The following DMXL2 variants were observed in gnomAD, a reference collection of about 807,000 sequenced individuals.
DMXL2 encodes the protein Dmx like 2, also known as dmX-like protein 2.
A neutral mutation model predicts 331.1 loss-of-function variants in DMXL2; 103 were observed. That is an observed-to-expected ratio of 0.31 (90% CI 0.27 to 0.37). The LOEUF (loss-of-function observed/expected upper bound fraction) is 0.37. DMXL2 is among the 10% of genes least tolerant of loss of function. The pLI is 1.00. For synonymous variants in DMXL2, 1,281 were observed against 1,252.1 expected (o/e 1.02, Z -0.49); for missense variants, 3,171 against 3,642.9 (o/e 0.87, Z 3.33).
At chr15:51,494,481 T>C (rs1191501806) in intron 19 of DMXL2, among the ~76,000 whole-genome samples, 1 of 152,208 alleles carries the variant, frequency 6.6e-6, no homozygotes, top group African/African-American at 2.4e-5. Flanking sequence ...CTTTTAATTC[T>C]ATAGTTTCAA....
At chr15:51,473,671 A>G (rs1408141228) in intron 28 of DMXL2, among the ~76,000 whole-genome samples, 1 of 152,198 alleles carries the variant, frequency 6.6e-6, no homozygotes, top group Non-Finnish European at 1.5e-5. Flanking sequence ...TGATTTCTAT[A>G]TATCAGCATC....
In DMXL2 at chr15:51,466,193, T is replaced by C. The variant is rs1460290216; in HGVS notation, c.7511A>G (p.Asn2504Ser). Residue 2504 changes from asparagine (N) to serine (S), a missense_variant, in exon 30 of 44, where the codon AAT (asparagine) becomes AGT (serine). By Grantham distance (46) the Asn-to-Ser change is conservative. This residue lies in a region of DMXL2 where 766 missense variants were observed against 940.5 expected (regional missense o/e 0.81). Transcript: ENST00000560891. ...DTQIQEHQDP[N>S]SYSWALLHLT... ...GAAAAGTCTTATTTACCTATAGGAA[T>C]TTGGATCTTGGTGCTCCTGTATTTG... 1 of 1,560,434 alleles carries C rather than the reference T, an allele frequency of 6.4e-7. No homozygotes were observed. The highest frequency in any genetic ancestry group is 8.6e-7 in the Non-Finnish European group (1 of 1,163,074).
chr15:51,587,240 C>G (rs2051912289), intron 1 of DMXL2, among the ~76,000 whole-genome samples: 1 of 152,272 alleles, frequency 6.6e-6, no homozygotes, highest in East Asian at 1.9e-4. Flanking sequence ...CATATGTATA[C>G]ATGTGCCATG....
intron 1 of DMXL2, among the ~76,000 whole-genome samples, chr15:51,609,619 T>C (rs1158859662): frequency 6.6e-6 from 1 of 152,192 alleles, no homozygotes; most frequent in Non-Finnish European, 1.5e-5. Context: ...AGCCTAGATA[T>C]GTTCTAGGCT....
At chr15:51,531,870 T>C (rs969349199) in intron 13 of DMXL2, among the ~76,000 whole-genome samples, 1 of 152,124 alleles carries the variant, frequency 6.6e-6, no homozygotes. Flanking sequence ...AGACAGGCAA[T>C]AACAAATGTT....
intron 6 of DMXL2, among the ~76,000 whole-genome samples, chr15:51,549,441 T>C (rs2049075159): frequency 6.6e-6 from 1 of 152,178 alleles, no homozygotes; most frequent in Non-Finnish European, 1.5e-5. Flanking sequence ...CAAGTATCTT[T>C]TTCATATAAT....
chr15:51,585,329 T>G (rs901291501), intron 1 of DMXL2, among the ~76,000 whole-genome samples: 1 of 149,066 alleles, frequency 6.7e-6, no homozygotes, highest in African/African-American at 2.5e-5. Flanking sequence ...TTGAGAGTTT[T>G]TAGCATGAAG....
chr15:51,453,511 C>T (rs750900599), intron 41 of DMXL2, 39 bp downstream of exon 41: 14 of 1,473,970 alleles, frequency 9.5e-6, no homozygotes, highest in Middle Eastern at 1.7e-4. Flanking sequence ...GGATTTCTAA[C>T]GTTTTTATAT....
intron 6 of DMXL2, among the ~76,000 whole-genome samples, chr15:51,548,830 A>G (rs935378714): frequency 1.3e-5 from 2 of 152,154 alleles, no homozygotes; most frequent in Non-Finnish European, 1.5e-5. Context: ...AAATTTTAAA[A>G]TATGTTGAAA....
chr15:51,607,050 C>T (rs1315154108), intron 1 of DMXL2, among the ~76,000 whole-genome samples: 7 of 151,880 alleles, frequency 4.6e-5, no homozygotes, highest in African/African-American at 9.7e-5. Context: ...CCCAGCTACT[C>T]GGGAGGCTGA....
rs1163243175 is a variant in DMXL2, at chr15:51,609,487, C to T, written c.87+12972G>A. ...ATTATAATGCCATATTTTCACTGTACCTTTTCTACATTTAGATATGTTTAG... is the reference window on the plus strand; with the variant it reads ...ATTATAATGCCATATTTTCACTGTATCTTTTCTACATTTAGATATGTTTAG... On this transcript the variant is annotated intron_variant, in intron 1 of 43. Coordinates refer to ENST00000560891, the MANE Select transcript of DMXL2 (RefSeq NM_001378457.1). 3.3e-5 allele frequency among the ~76,000 whole-genome samples: 5 copies of T among 152,162 alleles called. No homozygotes were observed. In the East Asian group the frequency reaches 9.6e-4, roughly 29 times the overall value.
At chr15:51,566,274 T>C (rs2141059261) in intron 3 of DMXL2, among the ~76,000 whole-genome samples, 2 of 133,146 alleles carry the variant, frequency 1.5e-5, no homozygotes, top group South Asian at 2.4e-4. Flanking sequence ...TGTGTGTGTG[T>C]GTGTGCATCT....
intron 5 of DMXL2, among the ~76,000 whole-genome samples, chr15:51,563,740 C>T (rs767242210): frequency 1.4e-4 from 21 of 152,062 alleles, no homozygotes; most frequent in Non-Finnish European, 2.4e-4. Flanking sequence ...CTGAGCTTAT[C>T]ATCATCCCTG....
At chr15:51,602,426 C>G (rs186756603) in intron 1 of DMXL2, among the ~76,000 whole-genome samples, 1 of 152,074 alleles carries the variant, frequency 6.6e-6, no homozygotes, top group Non-Finnish European at 1.5e-5. Context: ...AGAGTGGATC[C>G]ACGTTGCTCT....
chr15:51,507,221 A>G lies in DMXL2; in HGVS notation c.2677T>C (p.Phe893Leu). 6.2e-7 allele frequency: 1 copy of G among 1,611,270 alleles called. No individual in the cohort carries two copies. The highest frequency in any genetic ancestry group is 1.1e-5 in the South Asian group (1 of 90,708). Residue 893 changes from phenylalanine to leucine, a missense_variant, in exon 16 of 44, where the codon TTT becomes CTT. Transcript: ENST00000560891. ...YRPPPFSEKF[F>L]LVVIEKDSNN... is the part of the protein sequence containing the mutation. ...CTGTCCTTCTCAATTACTACTAGAA[A>G]GAACTTTTCTGAAAATGGTGGTGGG... is the stretch of plus-strand genomic sequence containing the variant.
chr15:51,593,168 C>A (rs1344823926), intron 1 of DMXL2, among the ~76,000 whole-genome samples: 2 of 152,092 alleles, frequency 1.3e-5, no homozygotes, highest in Admixed American at 1.3e-4. Context: ...TTCAGGAAAC[C>A]CATCTCACGT....
chr15:51,526,928 G>C (rs755253990), intron 13 of DMXL2, among the ~76,000 whole-genome samples: 3 of 152,186 alleles, frequency 2.0e-5, no homozygotes, highest in Non-Finnish European at 4.4e-5. Context: ...AAGAGTCACT[G>C]ACCTTAAAGA....
At chr15:51,476,387 T>C (rs372643788) in intron 27 of DMXL2, among the ~76,000 whole-genome samples, 1 of 152,166 alleles carries the variant, frequency 6.6e-6, no homozygotes, top group East Asian at 1.9e-4. Context: ...GCTGGTTTTA[T>C]GAAGCCTTAA....
rs779692215 is a variant in DMXL2, at chr15:51,535,804, C to T, written c.2315-20G>A. 3 of 1,583,360 alleles carry T rather than the reference C, an allele frequency of 1.9e-6. No individual in the cohort carries two copies. The highest frequency in any genetic ancestry group is 1.9e-5 in the Admixed American group (1 of 52,140). On this transcript the variant is annotated intron_variant, in intron 12 of 43. Transcript: ENST00000560891. ...ATGTGCCTGAGAAAGGAAAACAAGG[C>T]CTCTGGGTTCTAAACATGTAGTGTA...
Sources: gnomAD v4.1 joint callset for allele counts (sites outside exome capture counted in the v4.1 genomes callset) on GRCh38, gnomAD v4.1.1 for gene constraint, gnomAD v4.1.1 regional missense constraint, MANE v1.5 for transcripts, NCBI Gene and HGNC (gene_info 2026-07-23, HGNC 2026-07-21) for gene names.